UNC5C: variants seen among roughly 807,000 people sequenced by gnomAD.
UNC5C encodes netrin receptor UNC5C.
UNC5C carries 47 observed loss-of-function variants against 99.8 expected under a neutral mutation model. That is an observed-to-expected ratio of 0.47 (90% CI 0.37 to 0.60). UNC5C has a LOEUF of 0.60. UNC5C is among the 20% of genes least tolerant of loss of function. The pLI, the probability that UNC5C is intolerant of heterozygous loss-of-function variation, is 0.00. For missense variants in UNC5C, 1,062 were observed against 1,165.9 expected, an observed-to-expected ratio of 0.91 and a Z score of 1.30; for synonymous variants, 487 against 452.2, an observed-to-expected ratio of 1.08 and a Z score of -0.98.
At chr4:95,293,770 TA>T (rs1277011109) in intron 3 of UNC5C, among the ~76,000 whole-genome samples, 3 of 152,176 alleles carry the variant, frequency 2.0e-5, no homozygotes, top group Non-Finnish European at 4.4e-5. Context: ...ATACCACCTG[TA>T]TAACCTCAGG....
intron 1 of UNC5C, among the ~76,000 whole-genome samples, chr4:95,536,082 ATTTT>A (rs940269233): frequency 1.3e-5 from 1 of 78,444 alleles, no homozygotes. Context: ...ATATATATAT[ATTTT>A]TTTTTTTTGA....
intron 4 of UNC5C, among the ~76,000 whole-genome samples, chr4:95,260,762 G>A (rs1740190264): frequency 6.6e-6 from 1 of 152,142 alleles, no homozygotes; most frequent in Admixed American, 6.5e-5. Flanking sequence ...TTCAAAAGAA[G>A]AACATTTTCC....
At position 95,196,823 on chromosome 4, in the gene UNC5C, ATATAT is replaced by A. The variant is rs1480571296; in HGVS notation, c.2136+5903_2136+5907del. ...TTTATGTAATATATAATATATATTTATATATTATATTTATGTAATATATAATATAT... is the reference window on the plus strand; with the variant it reads ...TTTATGTAATATATAATATATATTTATATATTTATGTAATATATAATATAT... On this transcript the variant is annotated intron_variant, in intron 12 of 15. Transcript: ENST00000453304. Among the ~76,000 whole-genome samples the A allele has an allele frequency of 8.8e-3, 144 of 16,306 alleles. 24 individuals are homozygous for A. Among genetic ancestry groups the A allele is most frequent in the African/African-American group, 0.031 (139 of 4,526 alleles). 10.7% of individuals were successfully genotyped at this position (16,306 alleles called of 152,430 possible).
At chr4:95,277,562 T>A (rs376626093) in intron 4 of UNC5C, among the ~76,000 whole-genome samples, 242 of 152,336 alleles carry the variant, frequency 1.6e-3, no homozygotes, top group Middle Eastern at 0.01. Context: ...GCTTGCAATC[T>A]CTTCTGGGTC....
At chr4:95,310,813 G>A (rs570642246) in intron 2 of UNC5C, among the ~76,000 whole-genome samples, 29 of 151,982 alleles carry the variant, frequency 1.9e-4, no homozygotes, top group African/African-American at 7.0e-4. Context: ...GTTGGGGGGG[G>A]ATTTCTAGTG....
chr4:95,222,747 T>C (rs1043283499), intron 7 of UNC5C, among the ~76,000 whole-genome samples: 2 of 152,264 alleles, frequency 1.3e-5, no homozygotes, highest in East Asian at 1.9e-4. Context: ...AAAGGTTAAG[T>C]ACCCATTTAC....
intron 2 of UNC5C, among the ~76,000 whole-genome samples, chr4:95,307,724 A>C (rs1053697358): frequency 8.5e-5 from 13 of 152,204 alleles, no homozygotes; most frequent in African/African-American, 3.1e-4. Context: ...ATCATCAACA[A>C]AATACTAACA....
At chr4:95,263,043 G>C (rs1287678319) in intron 4 of UNC5C, among the ~76,000 whole-genome samples, 1 of 152,100 alleles carries the variant, frequency 6.6e-6, no homozygotes, top group Non-Finnish European at 1.5e-5. Flanking sequence ...TCGAACTCCT[G>C]ACCTCAGTTG....
chr4:95,496,822 T>C (rs887660826), intron 1 of UNC5C, among the ~76,000 whole-genome samples: 1 of 151,830 alleles, frequency 6.6e-6, no homozygotes, highest in African/African-American at 2.4e-5. Context: ...ATGTAGTTTT[T>C]ATCCCTCACC....
At chr4:95,470,644 A>C (rs941529031) in intron 1 of UNC5C, among the ~76,000 whole-genome samples, 9 of 152,166 alleles carry the variant, frequency 5.9e-5, no homozygotes, top group African/African-American at 1.7e-4. Context: ...CAAAGTGCAC[A>C]CTCAAAAGGC....
At chr4:95,542,875 T>G (rs940015003) in intron 1 of UNC5C, among the ~76,000 whole-genome samples, 3 of 152,108 alleles carry the variant, frequency 2.0e-5, no homozygotes. Flanking sequence ...AATGTTTTTA[T>G]TAAAATCTCT....
At chr4:95,332,923 C>T (rs1408119662) in intron 2 of UNC5C, among the ~76,000 whole-genome samples, 1 of 152,122 alleles carries the variant, frequency 6.6e-6, no homozygotes, top group African/African-American at 2.4e-5. Context: ...CATGAACAGA[C>T]ACCTCTCAAA....
At chr4:95,360,621 T>A (rs551104759) in intron 1 of UNC5C, among the ~76,000 whole-genome samples, 1 of 152,350 alleles carries the variant, frequency 6.6e-6, no homozygotes, top group Non-Finnish European at 1.5e-5. Context: ...ATAGTGTGCT[T>A]CTTCAGAATA....
intron 1 of UNC5C, among the ~76,000 whole-genome samples, chr4:95,451,660 T>C (rs935693571): frequency 1.3e-5 from 2 of 152,178 alleles, no homozygotes; most frequent in Non-Finnish European, 2.9e-5. Flanking sequence ...TGAGATCAGA[T>C]TGATGAAAAG....
chr4:95,242,861 C>A (rs567141033), intron 6 of UNC5C, among the ~76,000 whole-genome samples: 2 of 152,244 alleles, frequency 1.3e-5, no homozygotes, highest in African/African-American at 4.8e-5. Context: ...TCACCAGGAG[C>A]TATGTAAAAG....
At chr4:95,491,039 A>G (rs1278998928) in intron 1 of UNC5C, among the ~76,000 whole-genome samples, 1 of 151,612 alleles carries the variant, frequency 6.6e-6, no homozygotes, top group Non-Finnish European at 1.5e-5. Flanking sequence ...TGTTGAATGA[A>G]CAAATCAATG....
intron 1 of UNC5C, among the ~76,000 whole-genome samples, chr4:95,432,283 A>G (rs1578160224): frequency 6.6e-6 from 1 of 152,104 alleles, no homozygotes; most frequent in Non-Finnish European, 1.5e-5. Context: ...CTGCAGTATC[A>G]TTGATCTTAA....
chr4:95,341,375 G>C (rs939140152), intron 1 of UNC5C, among the ~76,000 whole-genome samples: 1 of 151,908 alleles, frequency 6.6e-6, no homozygotes, highest in Non-Finnish European at 1.5e-5. Context: ...AAGTGGATTT[G>C]TACGTATTGA....
chr4:95,171,385 C>T, intron 14 of UNC5C, among the ~76,000 whole-genome samples: 1 of 132,638 alleles, frequency 7.5e-6, no homozygotes, highest in Non-Finnish European at 1.6e-5. Flanking sequence ...CCTCCCCCCT[C>T]CCACCTCCCC....
Sources: gnomAD v4.1 joint callset for allele counts (sites outside exome capture counted in the v4.1 genomes callset) on GRCh38, gnomAD v4.1.1 for gene constraint, MANE v1.5 for transcripts, NCBI Gene and HGNC (gene_info 2026-07-23, HGNC 2026-07-21) for gene names.